Variants in TMEM260 observed in about 807,000 individuals in gnomAD.
TMEM260 encodes the protein transmembrane protein 260, also known as protein O-mannosyl-transferase TMEM260.
Under a neutral mutation model 88.9 loss-of-function variants are expected in TMEM260, and 82 were observed. The observed-to-expected ratio is 0.92, with a 90% confidence interval of 0.77 to 1.11. The LOEUF (loss-of-function observed/expected upper bound fraction) is 1.11. Ranked by LOEUF, TMEM260 falls within the 50% of genes least tolerant of loss-of-function variation. TMEM260 has a pLI of 0.00. For missense variants in TMEM260, 902 were observed against 853.4 expected (o/e 1.06, Z -0.71); for synonymous variants, 314 against 309.3 (o/e 1.02, Z -0.16).
Position 56,582,460 on chromosome 14 carries a change from A to G in TMEM260, c.160+2386A>G, listed in dbSNP as rs537668951. Among the ~76,000 whole-genome samples, 3 of 152,326 alleles carry G rather than the reference A, an allele frequency of 2.0e-5. No individual in the cohort carries two copies. In the South Asian group the frequency reaches 6.2e-4, roughly 32 times the overall value. On this transcript the variant is annotated intron_variant, in intron 1 of 15. Transcript: ENST00000261556. ...GATGTGTGACAGTCTAGTCTAATTA[A>G]TATTGAGAAGTATGATATAAAGGGA...
chr14:56,614,065 C>T (rs1044741375), intron 7 of TMEM260, among the ~76,000 whole-genome samples: 6 of 151,632 alleles, frequency 4.0e-5, no homozygotes, highest in African/African-American at 7.2e-5. Flanking sequence ...TGTGCTACCA[C>T]GCCCAGCTGA....
At chr14:56,632,016 C>T (rs1035987873) in intron 12 of TMEM260, among the ~76,000 whole-genome samples, 3 of 152,184 alleles carry the variant, frequency 2.0e-5, no homozygotes, top group Admixed American at 6.5e-5. Context: ...TATGGTAACA[C>T]TACCAGGTAC....
chr14:56,650,910 T>A (rs1890194596), downstream of TMEM260, among the ~76,000 whole-genome samples: 2 of 152,244 alleles, frequency 1.3e-5, no homozygotes, highest in South Asian at 4.1e-4. Flanking sequence ...TCCCGACTTC[T>A]GGTGTGTTTT....
At chr14:56,650,054 C>G (rs544289728), downstream of TMEM260, 1 of 450,572 alleles carries the variant, frequency 2.2e-6, no homozygotes, top group South Asian at 1.6e-5. Context: ...TTTTCTTTCT[C>G]TTACTTTCCT....
At chr14:56,609,036 T>G (rs1594841182) in intron 5 of TMEM260, 70 bp from the exon 6 acceptor site, 1 of 1,479,354 alleles carries the variant, frequency 6.8e-7, no homozygotes, top group East Asian at 2.3e-5. Flanking sequence ...TTCCTTGATA[T>G]GTTCTTGAAG....
At chr14:56,609,482 C>A (rs1379848797) in intron 6 of TMEM260, among the ~76,000 whole-genome samples, 197 bp downstream of exon 6, 1 of 152,166 alleles carries the variant, frequency 6.6e-6, no homozygotes, top group Non-Finnish European at 1.5e-5. Flanking sequence ...CTTAATTTAA[C>A]ATCATGTAGT....
intron 15 of TMEM260, among the ~76,000 whole-genome samples, chr14:56,639,126 T>C (rs908443536): frequency 6.6e-6 from 1 of 152,166 alleles, no homozygotes; most frequent in Non-Finnish European, 1.5e-5. Flanking sequence ...AGTGTTGGCA[T>C]CTATTTTGGA....
At chr14:56,658,176 T>C in the TMEM260 span, among the ~76,000 whole-genome samples, 1 of 152,114 alleles carries the variant, frequency 6.6e-6, no homozygotes, top group African/African-American at 2.4e-5. Context: ...AGGCCCTGCT[T>C]CCACAAAGCA....
intron 1 of TMEM260, among the ~76,000 whole-genome samples, chr14:56,583,988 TTTTG>T (rs777143292): frequency 1.3e-3 from 143 of 111,934 alleles, no homozygotes; most frequent in African/African-American, 3.8e-3. Flanking sequence ...CAATCCAGCC[TTTTG>T]TGTGTGTGTG....
intron 5 of TMEM260, 63 bp from the exon 6 acceptor site, chr14:56,609,043 G>T: frequency 1.3e-6 from 2 of 1,524,534 alleles, no homozygotes; most frequent in South Asian, 1.2e-5. Flanking sequence ...ATATGTTCTT[G>T]AAGTTCCGAG....
At position 56,612,301 on chromosome 14, in the gene TMEM260, T is replaced by C; in HGVS notation, c.857+16T>C. The C allele has an allele frequency of 6.2e-7, 1 of 1,602,690 alleles. No individual in the cohort carries two copies. Among genetic ancestry groups the C allele is most frequent in the Non-Finnish European group, 8.5e-7 (1 of 1,169,842 alleles). On this transcript the variant is annotated intron_variant, in intron 7 of 15. Coordinates refer to ENST00000261556, the MANE Select transcript of TMEM260 (RefSeq NM_017799.4). ...AAATACTGCTGTGAGTATGAAATAT[T>C]TGAAACTACTTTAAAATGAATTCTC...
rs1280797737 is a variant in TMEM260, at chr14:56,625,503, T to C, written c.1520T>C (p.Leu507Pro). The C allele has an allele frequency of 3.7e-6, 6 of 1,600,340 alleles. No individual in the cohort carries two copies. The highest frequency in any genetic ancestry group is 5.1e-6 in the Non-Finnish European group (6 of 1,171,014). The stretch of plus-strand genomic sequence containing the variant: ...CCTAGTGGAATGGTCACATTTAATC[T>C]TTATCATTTTCTTGAAGTAAATAAA... ...ILPSGMVTFN[L>P]YHFLEVNKQK... Residue 507 changes from leucine to proline, a missense_variant, in exon 12 of 16, where the codon CTT becomes CCT. Transcript: ENST00000261556.
chr14:56,632,875 A>C, intron 12 of TMEM260, 120 bp from the exon 13 acceptor site: 1 of 947,008 alleles, frequency 1.1e-6, no homozygotes, highest in Non-Finnish European at 1.5e-6. Flanking sequence ...AATTTTTCCA[A>C]AATCATATAG....
At chr14:56,647,172 GT>G in intron 15 of TMEM260, 70 bp from the exon 16 acceptor site, 2 of 1,492,830 alleles carry the variant, frequency 1.3e-6, no homozygotes, top group Non-Finnish European at 1.8e-6. Context: ...ATTCCTCTGT[GT>G]TTTTTTGTTT....
chr14:56,643,331 C>G (rs1236000094), intron 15 of TMEM260, among the ~76,000 whole-genome samples: 20 of 152,142 alleles, frequency 1.3e-4, no homozygotes. Flanking sequence ...GGGCTTCATC[C>G]CTGGGATGCA....
intron 15 of TMEM260, among the ~76,000 whole-genome samples, chr14:56,639,555 C>T (rs1889403160): frequency 6.6e-6 from 1 of 152,190 alleles, no homozygotes; most frequent in Non-Finnish European, 1.5e-5. Flanking sequence ...CTCCAGTCTA[C>T]AGCTCTCAGC....
chr14:56,645,822 A>C (rs1349368977), intron 15 of TMEM260, among the ~76,000 whole-genome samples: 1 of 152,206 alleles, frequency 6.6e-6, no homozygotes, highest in Non-Finnish European at 1.5e-5. Context: ...AAGAGAAACC[A>C]CTGGAGAAAA....
intron 1 of TMEM260, among the ~76,000 whole-genome samples, chr14:56,584,672 A>G (rs535327809): frequency 4.9e-4 from 74 of 152,266 alleles, no homozygotes; most frequent in African/African-American, 1.7e-3. Context: ...TTGAGGGATA[A>G]TAAAGCATAT....
At chr14:56,638,930 G>A (rs560748166) in intron 15 of TMEM260, among the ~76,000 whole-genome samples, 29 of 152,116 alleles carry the variant, frequency 1.9e-4, no homozygotes, top group East Asian at 1.5e-3. Flanking sequence ...TCCACATAAC[G>A]AAGAATGATG....
Sources: allele counts gnomAD v4.1 joint callset (sites outside exome capture counted in the v4.1 genomes callset), GRCh38; gene constraint gnomAD v4.1.1; transcripts MANE v1.5; gene names NCBI Gene and HGNC (gene_info 2026-07-23, HGNC 2026-07-21).